The following TRPC4 variants were observed in gnomAD, a reference collection of about 807,000 sequenced individuals.
TRPC4 encodes short transient receptor potential channel 4.
TRPC4 carries 49 observed loss-of-function variants against 99.4 expected under a neutral mutation model. That is an observed-to-expected ratio of 0.49 (90% CI 0.39 to 0.63). TRPC4 has a LOEUF of 0.63. Ranked by LOEUF, TRPC4 falls within the 20% of genes least tolerant of loss-of-function variation. The pLI, the probability that TRPC4 is intolerant of heterozygous loss-of-function variation, is 0.00. For missense variants in TRPC4, 898 were observed against 1,152.9 expected, an observed-to-expected ratio of 0.78 and a Z score of 3.20; for synonymous variants, 454 against 425.9, an observed-to-expected ratio of 1.07 and a Z score of -0.81.
intron 2 of TRPC4, among the ~76,000 whole-genome samples, chr13:37,777,301 G>C (rs1956732077): frequency 6.6e-6 from 1 of 151,864 alleles, no homozygotes; most frequent in African/African-American, 2.4e-5. Context: ...GGAGGGCTCA[G>C]AAAACTTACA....
intron 1 of TRPC4, among the ~76,000 whole-genome samples, chr13:37,816,883 A>T (rs1957870347): frequency 6.6e-6 from 1 of 152,028 alleles, no homozygotes; most frequent in East Asian, 1.9e-4. Flanking sequence ...TCGAAATTAA[A>T]GAGCCATCTC....
At chr13:37,694,648 G>T (rs1356687470) in intron 3 of TRPC4, among the ~76,000 whole-genome samples, 1 of 152,050 alleles carries the variant, frequency 6.6e-6, no homozygotes, top group Non-Finnish European at 1.5e-5. Flanking sequence ...TTTCTTAAAA[G>T]TACTTTTTCT....
intron 1 of TRPC4, among the ~76,000 whole-genome samples, chr13:37,846,644 G>T (rs1302472868): frequency 4.0e-5 from 2 of 49,494 alleles, no homozygotes; most frequent in Non-Finnish European, 4.2e-5. Context: ...AGAAAGAGAG[G>T]AAGAAAAAAA....
intron 1 of TRPC4, among the ~76,000 whole-genome samples, chr13:37,813,111 G>A (rs976456035): frequency 1.3e-5 from 2 of 151,872 alleles, no homozygotes; most frequent in South Asian, 4.1e-4. Context: ...AGAAATCTGG[G>A]AAAGTCACAA....
intron 6 of TRPC4, among the ~76,000 whole-genome samples, chr13:37,655,684 A>C (rs1277314311): frequency 6.6e-6 from 1 of 152,102 alleles, no homozygotes. Context: ...CATAAATAAA[A>C]TTTTATTGAA....
At chr13:37,799,815 T>G (rs1055415212) in intron 1 of TRPC4, among the ~76,000 whole-genome samples, 2 of 152,224 alleles carry the variant, frequency 1.3e-5, no homozygotes, top group African/African-American at 2.4e-5. Flanking sequence ...GATACAATAC[T>G]AAATGTTTAC....
chr13:37,803,121 G>A (rs911430733), intron 1 of TRPC4, among the ~76,000 whole-genome samples: 3 of 152,038 alleles, frequency 2.0e-5, no homozygotes, highest in African/African-American at 7.2e-5. Context: ...AGGTTGGCAC[G>A]AGTGTTCTTT....
rs1402640760 is a variant in TRPC4, at chr13:37,634,484, T to C, written c.*2419A>G. 1.3e-5 allele frequency among the ~76,000 whole-genome samples: 2 copies of C among 152,050 alleles called. No homozygotes were observed. Among genetic ancestry groups the C allele is most frequent in the Non-Finnish European group, 2.9e-5 (2 of 68,000 alleles). ...AGGGCACTGAAAAGGAGGGTCTTACTTGCTCCAAATACATTCCTCTATTAC... is the reference window on the plus strand; with the variant it reads ...AGGGCACTGAAAAGGAGGGTCTTACCTGCTCCAAATACATTCCTCTATTAC... On this transcript the variant is annotated 3_prime_UTR_variant, in exon 11 of 11. Coordinates refer to ENST00000379705, the MANE Select transcript of TRPC4 (RefSeq NM_016179.4).
intron 3 of TRPC4, among the ~76,000 whole-genome samples, chr13:37,734,194 A>G (rs192489174): frequency 6.6e-6 from 1 of 152,290 alleles, no homozygotes; most frequent in East Asian, 1.9e-4. Flanking sequence ...TTTTCCACTG[A>G]AACTCAATTA....
chr13:37,642,513 CA>C (rs1228103437), intron 8 of TRPC4, among the ~76,000 whole-genome samples: 1 of 152,052 alleles, frequency 6.6e-6, no homozygotes, highest in Non-Finnish European at 1.5e-5. Flanking sequence ...TGGCTGAGCT[CA>C]GGGATATTTC....
At chr13:37,649,386 C>G (rs1035064169) in intron 8 of TRPC4, among the ~76,000 whole-genome samples, 2 of 152,058 alleles carry the variant, frequency 1.3e-5, no homozygotes, top group Admixed American at 1.3e-4. Context: ...CTTCCCACTC[C>G]TCAAATTCTA....
chr13:37,787,399 C>T (rs140868077), intron 1 of TRPC4, among the ~76,000 whole-genome samples: 12 of 152,026 alleles, frequency 7.9e-5, no homozygotes, highest in South Asian at 2.1e-4. Context: ...ACACGCAATC[C>T]GATTAGAATT....
At chr13:37,786,130 CT>C in intron 1 of TRPC4, among the ~76,000 whole-genome samples, 1 of 151,940 alleles carries the variant, frequency 6.6e-6, no homozygotes, top group African/African-American at 2.4e-5. Context: ...CTTTTGTTAA[CT>C]TTTATGACCT....
chr13:37,753,149 G>A (rs1173153958), intron 2 of TRPC4, among the ~76,000 whole-genome samples: 1 of 151,956 alleles, frequency 6.6e-6, no homozygotes, highest in African/African-American at 2.4e-5. Flanking sequence ...ATTTACACTG[G>A]TTGGAACTAG....
chr13:37,746,546 G>C, intron 2 of TRPC4, 91 bp from the exon 3 acceptor site: 1 of 1,397,704 alleles, frequency 7.2e-7, no homozygotes, highest in South Asian at 1.5e-5. Flanking sequence ...TATGGAACAG[G>C]GTTTATATGT....
At chr13:37,745,519 CGTATATAT>C (rs1566138671) in intron 3 of TRPC4, among the ~76,000 whole-genome samples, 3 of 104,780 alleles carry the variant, frequency 2.9e-5, no homozygotes, top group African/African-American at 1.4e-4. Flanking sequence ...TATATATATA[CGTATATAT>C]GTATATATAC....
At chr13:37,665,654 G>A (rs561640472) in intron 5 of TRPC4, among the ~76,000 whole-genome samples, 5 of 152,126 alleles carry the variant, frequency 3.3e-5, no homozygotes, top group Middle Eastern at 3.4e-3. Context: ...GGCTAGGAAT[G>A]GTGAGAGATG....
At chr13:37,737,866 C>A (rs73168462) in intron 3 of TRPC4, among the ~76,000 whole-genome samples, 4,302 of 152,178 alleles carry the variant, frequency 0.028, 92 homozygotes, top group East Asian at 0.061. Flanking sequence ...AGTTCTTATA[C>A]CCTTAGATGA....
At chr13:37,752,172 T>C (rs917004545) in intron 2 of TRPC4, among the ~76,000 whole-genome samples, 1 of 147,274 alleles carries the variant, frequency 6.8e-6, no homozygotes, top group Non-Finnish European at 1.5e-5. Context: ...ATTTGCTAAC[T>C]ATAATTTTTT....
Sources: allele counts gnomAD v4.1 joint callset (sites outside exome capture counted in the v4.1 genomes callset), GRCh38; gene constraint gnomAD v4.1.1; transcripts MANE v1.5; gene names NCBI Gene and HGNC (gene_info 2026-07-23, HGNC 2026-07-21).